Variants in CUEDC1 observed in about 807,000 individuals in gnomAD.
CUEDC1 encodes the protein CUE domain-containing protein 1.
CUEDC1 carries 30 observed loss-of-function variants against 43.7 expected under a neutral mutation model. The observed-to-expected ratio is 0.69, with a 90% CI of 0.51 to 0.93. CUEDC1 has a LOEUF of 0.93. Among genes scored for constraint, CUEDC1 ranks in the 40% least tolerant of loss-of-function variants. The pLI, the probability that CUEDC1 is intolerant of heterozygous loss-of-function variation, is 0.00. For missense variants in CUEDC1, 486 were observed against 549.0 expected, an observed-to-expected ratio of 0.89 and a Z score of 1.15; for synonymous variants, 223 against 223.6, an observed-to-expected ratio of 1.00 and a Z score of 0.02.
intron 1 of CUEDC1, among the ~76,000 whole-genome samples, chr17:57,949,357 C>T (rs763113736): frequency 6.6e-6 from 1 of 152,152 alleles, no homozygotes; most frequent in African/African-American, 2.4e-5. Context: ...GACCTTTGTG[C>T]TCCAGGATGG....
chr17:57,873,484 C>T, intron 4 of CUEDC1, 107 bp downstream of exon 4: 1 of 1,304,440 alleles, frequency 7.7e-7, no homozygotes, highest in Non-Finnish European at 1.0e-6. Flanking sequence ...AATAGCTCAG[C>T]CTGGGTTTAA....
At chr17:57,949,187 G>T (rs1259869757) in intron 1 of CUEDC1, among the ~76,000 whole-genome samples, 1 of 152,162 alleles carries the variant, frequency 6.6e-6, no homozygotes, top group East Asian at 1.9e-4. Context: ...CCTCCAGGAA[G>T]CCTTCCCTGC....
At chr17:57,881,258 G>A (rs759470140) in intron 2 of CUEDC1, among the ~76,000 whole-genome samples, 24 of 152,206 alleles carry the variant, frequency 1.6e-4, no homozygotes, top group Non-Finnish European at 2.8e-4. Context: ...TAAACCCAAG[G>A]AGGCCTCCCG....
At chr17:57,927,268 G>T (rs1281436876) in intron 1 of CUEDC1, among the ~76,000 whole-genome samples, 1 of 151,960 alleles carries the variant, frequency 6.6e-6, no homozygotes, top group Non-Finnish European at 1.5e-5. Flanking sequence ...CTCATTCCAG[G>T]GTGCCTGAGA....
Position 57,879,697 on chromosome 17 carries a change from C to A in CUEDC1, c.378G>T (p.Glu126Asp), listed in dbSNP as rs149845264. Reference sequence around the variant, plus strand: ...CTGGCGGGGAGTACACAGGTGGGGGCTCTTCATCCGAGCTATCAGGTTCCA... The same window carrying A: ...CTGGCGGGGAGTACACAGGTGGGGGATCTTCATCCGAGCTATCAGGTTCCA... ...RTLEPDSSDE[E>D]PPPVYSPPAY... The change falls in exon 3 of 11, where the codon GAG becomes GAT. Residue 126 changes from glutamate (E) to aspartate (D), a missense_variant. Glu to Asp is a conservative substitution (Grantham distance 45, BLOSUM62 2). Transcript: ENST00000577830. 5.0e-6 allele frequency: 8 copies of A among 1,601,558 alleles called. No homozygotes were observed. Among genetic ancestry groups the A allele is most frequent in the Non-Finnish European group, 6.8e-6 (8 of 1,175,448 alleles).
At chr17:57,890,711 C>T (rs186567825) in intron 1 of CUEDC1, among the ~76,000 whole-genome samples, 9 of 152,346 alleles carry the variant, frequency 5.9e-5, no homozygotes, top group Admixed American at 3.3e-4. Flanking sequence ...GAGTCACTCC[C>T]GGCTTGGCCC....
chr17:57,869,093 G>C, intron 7 of CUEDC1, 29 bp downstream of exon 7: 1 of 1,611,612 alleles, frequency 6.2e-7, no homozygotes, highest in Non-Finnish European at 8.5e-7. Flanking sequence ...AAAAGCTGGG[G>C]AGGGAAGCGG....
chr17:57,865,797 T>C (rs1864751147), intron 10 of CUEDC1, among the ~76,000 whole-genome samples: 1 of 151,122 alleles, frequency 6.6e-6, no homozygotes, highest in Non-Finnish European at 1.5e-5. Context: ...CACAGCCGGG[T>C]TGAGACCACC....
chr17:57,864,419 G>A (rs946694316), intron 10 of CUEDC1, among the ~76,000 whole-genome samples: 4 of 152,172 alleles, frequency 2.6e-5, no homozygotes, highest in African/African-American at 9.7e-5. Context: ...AGAGCAACAA[G>A]GAGAGCCAGT....
In CUEDC1 at chr17:57,954,809, G is replaced by A. The variant is rs1281895604; in HGVS notation, c.-316+416C>T. The stretch of plus-strand genomic sequence containing the variant: ...CGCCCCCAGGCCCGGGCACTGCGGG[G>A]AGGGGCGCCCACACAAAAGGGGGAG... On this transcript the variant is annotated intron_variant, in intron 1 of 10. Coordinates refer to ENST00000577830, the MANE Select transcript of CUEDC1 (RefSeq NM_001271875.2). This position sits in a 1 kb window ranked among gnomAD's most constrained non-coding sequence, Gnocchi z 4.3. 6.6e-6 allele frequency among the ~76,000 whole-genome samples: 1 copy of A among 152,096 alleles called. No individual in the cohort carries two copies. The highest frequency in any genetic ancestry group is 2.4e-5 in the African/African-American group (1 of 41,442).
At chr17:57,949,359 C>T (rs2074984669) in intron 1 of CUEDC1, among the ~76,000 whole-genome samples, 1 of 152,106 alleles carries the variant, frequency 6.6e-6, no homozygotes, top group Non-Finnish European at 1.5e-5. Context: ...CCTTTGTGCT[C>T]CAGGATGGGC....
intron 1 of CUEDC1, among the ~76,000 whole-genome samples, chr17:57,908,641 T>C (rs1468948806): frequency 6.6e-6 from 1 of 152,174 alleles, no homozygotes; most frequent in Non-Finnish European, 1.5e-5. Flanking sequence ...CAGGTATTAT[T>C]TGTGGCTGTG....
intron 3 of CUEDC1, among the ~76,000 whole-genome samples, chr17:57,877,034 A>G (rs937826311): frequency 6.6e-6 from 1 of 152,238 alleles, no homozygotes; most frequent in African/African-American, 2.4e-5. Flanking sequence ...TAAGCTAGGC[A>G]GCTGAAGAAA....
intron 1 of CUEDC1, among the ~76,000 whole-genome samples, chr17:57,889,809 C>T (rs1341350521): frequency 6.6e-6 from 1 of 152,130 alleles, no homozygotes; most frequent in African/African-American, 2.4e-5. Flanking sequence ...TAGTTAGAAC[C>T]AGGTGGACTA....
In CUEDC1 at chr17:57,954,202, G is replaced by C. The variant is rs1453713913; in HGVS notation, c.-316+1023C>G. Among the ~76,000 whole-genome samples the C allele has an allele frequency of 6.6e-6, 1 of 152,206 alleles. No individual in the cohort carries two copies. The highest frequency in any genetic ancestry group is 1.5e-5 in the Non-Finnish European group (1 of 68,038). ...AGGTGCTGCGGGATCACCCAGGGAA[G>C]GCTCATTCCTCTCGCTACAAGACGC... On this transcript the variant is annotated intron_variant, in intron 1 of 10. Coordinates refer to ENST00000577830, the MANE Select transcript of CUEDC1 (RefSeq NM_001271875.2). This position sits in a 1 kb window ranked among gnomAD's most constrained non-coding sequence, Gnocchi z 4.3.
At chr17:57,899,878 C>G (rs1424461371) in intron 1 of CUEDC1, among the ~76,000 whole-genome samples, 1 of 152,208 alleles carries the variant, frequency 6.6e-6, no homozygotes, top group African/African-American at 2.4e-5. Flanking sequence ...CTCCCACAGC[C>G]CACCCTCCAA....
chr17:57,866,333 A>G, intron 10 of CUEDC1, 141 bp downstream of exon 10: 1 of 662,332 alleles, frequency 1.5e-6, no homozygotes, highest in South Asian at 1.9e-5. Context: ...TGCCGCAACT[A>G]TGAGGGAAGA....
Position 57,862,032 on chromosome 17 carries a change from T to C in CUEDC1, c.*1257A>G, listed in dbSNP as rs936523784. The C allele has an allele frequency of 5.3e-5, 8 of 152,196 alleles. No homozygotes were observed. The highest frequency in any genetic ancestry group is 1.2e-4 in the Non-Finnish European group (8 of 68,034). 9.4% of individuals were successfully genotyped at this position (152,196 alleles called of 1,614,324 possible). The stretch of plus-strand genomic sequence containing the variant: ...CGCCGGCTCGCCTTCGCTACGCCCT[T>C]GTGATCTTGGGGCCACGGAGGCCAC... On this transcript the variant is annotated 3_prime_UTR_variant, in exon 11 of 11. Coordinates refer to ENST00000577830, the MANE Select transcript of CUEDC1 (RefSeq NM_001271875.2).
chr17:57,871,207 A>C, intron 6 of CUEDC1, 79 bp downstream of exon 6: 2 of 1,169,428 alleles, frequency 1.7e-6, no homozygotes, highest in Non-Finnish European at 2.6e-6. Flanking sequence ...CTCCTCTCAA[A>C]CTCCAAATAT....
Sources: gnomAD v4.1 joint callset for allele counts (sites outside exome capture counted in the v4.1 genomes callset) on GRCh38, gnomAD v4.1.1 for gene constraint, Gnocchi (gnomAD v3.1) non-coding constraint, MANE v1.5 for transcripts, NCBI Gene and HGNC (gene_info 2026-07-23, HGNC 2026-07-21) for gene names.